GALNT1: variants seen among roughly 807,000 people sequenced by gnomAD.
GALNT1 encodes the protein polypeptide N-acetylgalactosaminyltransferase 1, also known as GalNAc transferase 1.
GALNT1 carries 17 observed loss-of-function variants against 65.7 expected under a neutral mutation model. That is an observed-to-expected ratio of 0.26 (90% CI 0.18 to 0.39). The LOEUF (loss-of-function observed/expected upper bound fraction) is 0.39. Among genes scored for constraint, GALNT1 ranks in the 10% least tolerant of loss-of-function variants. The pLI, the probability that GALNT1 is intolerant of heterozygous loss-of-function variation, is 1.00. For synonymous variants in GALNT1, 210 were observed against 219.7 expected, an observed-to-expected ratio of 0.96 and a Z score of 0.39; for missense variants, 460 against 672.8, an observed-to-expected ratio of 0.68 and a Z score of 3.50.
chr18:35,696,159 A>C (rs1203844733), intron 9 of GALNT1, among the ~76,000 whole-genome samples: 1 of 152,212 alleles, frequency 6.6e-6, no homozygotes, highest in Non-Finnish European at 1.5e-5. Flanking sequence ...ACCAGGCCAC[A>C]TCCTACAGGT....
intron 7 of GALNT1, among the ~76,000 whole-genome samples, chr18:35,689,667 TTTTA>T (rs763123097): frequency 5.3e-5 from 8 of 152,176 alleles, no homozygotes; most frequent in African/African-American, 1.7e-4. Flanking sequence ...GTAATATGCT[TTTTA>T]TTTTAGTGTG....
chr18:35,683,309 A>C (rs1193343184), intron 4 of GALNT1, 82 bp from the exon 5 acceptor site: 1 of 1,097,502 alleles, frequency 9.1e-7, no homozygotes, highest in Non-Finnish European at 1.3e-6. Flanking sequence ...TATGTTGAAT[A>C]AATTTTCCAA....
intron 11 of GALNT1, among the ~76,000 whole-genome samples, chr18:35,707,030 G>C (rs1463187771): frequency 6.6e-6 from 1 of 152,098 alleles, no homozygotes; most frequent in African/African-American, 2.4e-5. Context: ...AGTATGACTA[G>C]ATCTCAAATC....
At chr18:35,703,050 G>T in intron 10 of GALNT1, 55 bp downstream of exon 10, 3 of 1,087,978 alleles carry the variant, frequency 2.8e-6, no homozygotes, top group East Asian at 2.6e-5. Context: ...TTTTTACTTT[G>T]CCTTTTTTTT....
chr18:35,687,337 G>A (rs1424461130), intron 6 of GALNT1, 151 bp downstream of exon 6: 18 of 666,180 alleles, frequency 2.7e-5, no homozygotes, highest in Non-Finnish European at 3.7e-5. Flanking sequence ...ACATATGTGA[G>A]TGTTTTAAAG....
At chr18:35,655,353 A>G (rs16966970) in intron 2 of GALNT1, among the ~76,000 whole-genome samples, 14,049 of 150,822 alleles carry the variant, frequency 0.093, 804 homozygotes, top group African/African-American at 0.16. Flanking sequence ...GATCATTGCA[A>G]TATCTAGTAT....
intron 1 of GALNT1, among the ~76,000 whole-genome samples, chr18:35,600,339 T>C (rs1463531929): frequency 1.3e-5 from 2 of 152,190 alleles, no homozygotes; most frequent in African/African-American, 4.8e-5. Flanking sequence ...GATGTTGGTG[T>C]GTATTAATGT....
In GALNT1 at chr18:35,675,008, AAAG is replaced by A. The variant is rs1488170412; in HGVS notation, c.315-2582_315-2580del. On this transcript the variant is annotated intron_variant, in intron 3 of 11. Transcript: ENST00000269195. ...AAAAAAAAAAAAAAAAAAAAAAAAAAAAGCTCGTTTTCATAACTGAGGATAAAA... is the reference window on the plus strand; with the variant it reads ...AAAAAAAAAAAAAAAAAAAAAAAAAACTCGTTTTCATAACTGAGGATAAAA... Among the ~76,000 whole-genome samples the A allele has an allele frequency of 3.8e-3, 573 of 149,512 alleles. 9 individuals carry two copies. Among genetic ancestry groups the A allele is most frequent in the East Asian group, 0.02 (99 of 4,992 alleles).
chr18:35,637,808 A>G (rs2047110377), intron 1 of GALNT1, among the ~76,000 whole-genome samples: 1 of 152,196 alleles, frequency 6.6e-6, no homozygotes, highest in Admixed American at 6.5e-5. Flanking sequence ...CAAAGAACAG[A>G]CTGACTTTGT....
rs78782059 is a variant in GALNT1 at position 35,603,121 on chromosome 18, T to C, written c.-104+21259T>C. 5.7e-3 allele frequency among the ~76,000 whole-genome samples: 864 copies of C among 152,298 alleles called. 20 individuals are homozygous for C. The East Asian group carries it at 0.065, about 12-fold the overall frequency. On this transcript the variant is annotated intron_variant, in intron 1 of 11. Transcript: ENST00000269195. The stretch of plus-strand genomic sequence containing the variant: ...TCTTGCAAATACTCAGAGCACTGCC[T>C]GTCCCAGATGGAGGTGGGAGAGTGG...
intron 1 of GALNT1, among the ~76,000 whole-genome samples, chr18:35,638,709 A>G (rs930580691): frequency 6.6e-6 from 1 of 152,134 alleles, no homozygotes; most frequent in East Asian, 1.9e-4. Flanking sequence ...ACAGTGACCA[A>G]TCTCCTACAC....
chr18:35,614,704 C>T (rs963037596), intron 1 of GALNT1, among the ~76,000 whole-genome samples: 1 of 151,874 alleles, frequency 6.6e-6, no homozygotes, highest in Non-Finnish European at 1.5e-5. Context: ...TATTAAGTTG[C>T]GAATATATGA....
At chr18:35,669,553 A>G (rs747927475) in intron 3 of GALNT1, among the ~76,000 whole-genome samples, 13 of 152,236 alleles carry the variant, frequency 8.5e-5, no homozygotes, top group African/African-American at 3.1e-4. Context: ...TAGATTCACC[A>G]CATTTATAGG....
intron 1 of GALNT1, among the ~76,000 whole-genome samples, chr18:35,637,258 A>C (rs536450080): frequency 7.2e-5 from 11 of 152,336 alleles, no homozygotes; most frequent in African/African-American, 2.4e-4. Flanking sequence ...AAGCTAGAAA[A>C]GATAACGCTT....
intron 6 of GALNT1, among the ~76,000 whole-genome samples, chr18:35,687,452 T>A (rs1187628851): frequency 2.0e-5 from 3 of 152,192 alleles, no homozygotes; most frequent in African/African-American, 7.2e-5. Flanking sequence ...TATGAACATT[T>A]TGCAAATGCG....
At chr18:35,708,726 C>T (rs1238648706) in intron 11 of GALNT1, among the ~76,000 whole-genome samples, 6 of 152,180 alleles carry the variant, frequency 3.9e-5, no homozygotes, top group Non-Finnish European at 8.8e-5. Flanking sequence ...TTAATTCTTA[C>T]CTGCCCTGCC....
chr18:35,705,000 G>A (rs2048232610), intron 11 of GALNT1, among the ~76,000 whole-genome samples: 1 of 152,128 alleles, frequency 6.6e-6, no homozygotes, highest in Non-Finnish European at 1.5e-5. Flanking sequence ...CTACTGTTTA[G>A]GTTCTTCTCT....
Position 35,635,786 on chromosome 18 carries a change from G to A in GALNT1, c.-103-18774G>A, listed in dbSNP as rs150148146. On this transcript the variant is annotated intron_variant, in intron 1 of 11. Coordinates refer to ENST00000269195, the MANE Select transcript of GALNT1 (RefSeq NM_020474.4). Reference sequence around the variant, plus strand: ...ATTCTTTTCTTTTAGGGTGACTTTTGGATTTCCTATTTTTGTCCACAGCTA... The same window carrying A: ...ATTCTTTTCTTTTAGGGTGACTTTTAGATTTCCTATTTTTGTCCACAGCTA... Among the ~76,000 whole-genome samples the A allele has an allele frequency of 9.9e-5, 15 of 151,334 alleles. No individual in the cohort carries two copies. In the East Asian group the frequency reaches 2.9e-3, roughly 29 times the overall value.
intron 1 of GALNT1, among the ~76,000 whole-genome samples, chr18:35,638,957 A>G (rs1178765600): frequency 2.6e-5 from 4 of 152,338 alleles, no homozygotes; most frequent in African/African-American, 7.2e-5. Flanking sequence ...ACTTGAATGG[A>G]TGAGTAGTTA....
Sources: allele counts gnomAD v4.1 joint callset (sites outside exome capture counted in the v4.1 genomes callset), GRCh38; gene constraint gnomAD v4.1.1; transcripts MANE v1.5; gene names NCBI Gene and HGNC (gene_info 2026-07-23, HGNC 2026-07-21).